The following FBXL13 variants were observed in gnomAD, a reference collection of about 807,000 sequenced individuals.
FBXL13 encodes the protein F-box and leucine rich repeat protein 13, also known as F-box and leucine-rich repeat protein 13.
In FBXL13, 67 loss-of-function variants were observed where a neutral mutation model predicts 83.6. The ratio of observed to expected loss-of-function variants is 0.80; its 90% CI spans 0.66 to 0.98. The LOEUF (loss-of-function observed/expected upper bound fraction) is 0.98, where lower values mean the gene tolerates loss of function less well. FBXL13 is among the 50% of genes least tolerant of loss of function. The pLI is 0.00. For missense variants in FBXL13, 822 were observed against 866.5 expected (o/e 0.95, Z 0.64); for synonymous variants, 272 against 299.5 (o/e 0.91, Z 0.95).
In FBXL13 at chr7:102,972,252, A is replaced by G. The variant is rs552091474; in HGVS notation, c.496-4135T>C. On this transcript the variant is annotated intron_variant, in intron 6 of 19. Transcript: ENST00000313221. ...GGGGGTAGAACAATAAGATGGAACA[A>G]AAACACTAGATAATAATAACACTCT... Among the ~76,000 whole-genome samples the G allele has an allele frequency of 5.3e-5, 8 of 152,324 alleles. No individual in the cohort carries two copies. In the South Asian group the frequency reaches 1.4e-3, roughly 28 times the overall value.
intron 1 of FBXL13, among the ~76,000 whole-genome samples, chr7:103,056,371 G>A (rs529612840): frequency 6.6e-6 from 1 of 152,158 alleles, no homozygotes; most frequent in African/African-American, 2.4e-5. Flanking sequence ...TTTCCTCTGG[G>A]TAGATACCCA....
At chr7:102,939,489 A>G in intron 8 of FBXL13, 1 of 1,614,030 alleles carries the variant, frequency 6.2e-7, no homozygotes, top group South Asian at 1.1e-5. Flanking sequence ...CTTGTCATAC[A>G]ATAAAATCAA....
chr7:102,827,085 A>G (rs1198990592), intron 18 of FBXL13: 1 of 445,762 alleles, frequency 2.2e-6, no homozygotes, highest in East Asian at 7.0e-5. Context: ...ACTTGCTTTG[A>G]CCAAAGGAAT....
At chr7:103,070,738 G>C (rs1252976349) in intron 1 of FBXL13, among the ~76,000 whole-genome samples, 1 of 152,194 alleles carries the variant, frequency 6.6e-6, no homozygotes, top group Non-Finnish European at 1.5e-5. Context: ...CATGGGAAGA[G>C]AAGGAGTAAG....
At chr7:103,028,605 A>G in exon 4 of FBXL13, 1 of 1,566,512 alleles carries the variant, frequency 6.4e-7, no homozygotes, top group Non-Finnish European at 8.6e-7. Flanking sequence ...TTTACTTTTA[A>G]GTTTTTCTTT....
At chr7:102,926,920 T>C (rs1438355039) in intron 9 of FBXL13, among the ~76,000 whole-genome samples, 7 of 152,186 alleles carry the variant, frequency 4.6e-5, no homozygotes, top group Non-Finnish European at 8.8e-5. Flanking sequence ...ACCAGATTTA[T>C]GGTAAGTTTG....
chr7:103,061,497 G>T (rs886397948), intron 1 of FBXL13, among the ~76,000 whole-genome samples: 2 of 152,228 alleles, frequency 1.3e-5, no homozygotes, highest in African/African-American at 4.8e-5. Flanking sequence ...CTCTGGAGAA[G>T]CCACAGCCTT....
At chr7:103,015,450 T>C (rs759776022) in intron 6 of FBXL13, among the ~76,000 whole-genome samples, 2 of 152,204 alleles carry the variant, frequency 1.3e-5, no homozygotes, top group African/African-American at 2.4e-5. Flanking sequence ...CCACAGTCTC[T>C]GCCCAAAAGT....
chr7:102,899,105 G>A (rs542527518), intron 11 of FBXL13, among the ~76,000 whole-genome samples: 1 of 152,190 alleles, frequency 6.6e-6, no homozygotes, highest in South Asian at 2.1e-4. Context: ...AGTAGAGACA[G>A]GGTTTCACCA....
intron 6 of FBXL13, among the ~76,000 whole-genome samples, chr7:103,021,135 A>C (rs1563230117): frequency 6.6e-6 from 1 of 152,184 alleles, no homozygotes; most frequent in Non-Finnish European, 1.5e-5. Context: ...CAAAACAGAG[A>C]TATAGACCAA....
At chr7:102,962,325 G>A (rs559010186) in intron 8 of FBXL13, among the ~76,000 whole-genome samples, 7 of 152,232 alleles carry the variant, frequency 4.6e-5, no homozygotes, top group African/African-American at 1.7e-4. Context: ...TCATTAAAAA[G>A]TCAGGAAACA....
chr7:102,937,638 T>C (rs1038047557), intron 8 of FBXL13, among the ~76,000 whole-genome samples: 2 of 152,200 alleles, frequency 1.3e-5, no homozygotes, highest in Non-Finnish European at 2.9e-5. Context: ...ATATTGCTGA[T>C]TCCCATAAAT....
At chr7:102,960,597 CA>C (rs1439562124) in intron 8 of FBXL13, among the ~76,000 whole-genome samples, 1 of 151,990 alleles carries the variant, frequency 6.6e-6, no homozygotes, top group East Asian at 1.9e-4. Flanking sequence ...AAAATACTGG[CA>C]AAACGAATCC....
chr7:102,838,296 T>C (rs1470687200), intron 17 of FBXL13, among the ~76,000 whole-genome samples: 1 of 152,122 alleles, frequency 6.6e-6, no homozygotes, highest in African/African-American at 2.4e-5. Flanking sequence ...ATAGAGTTGT[T>C]GGGGAGATTA....
chr7:103,027,488 AT>A lies in FBXL13; in HGVS notation c.287del (p.Asn96IlefsTer14), dbSNP rs1563240814. Reference sequence around the variant, plus strand: ...TCTTTTTACTCTTATGTCTTGCTGTATTCCGCCATTTTGTTAGGATAATGGT... The same window carrying A: ...TCTTTTTACTCTTATGTCTTGCTGTATCCGCCATTTTGTTAGGATAATGGT... On this transcript the variant is annotated frameshift_variant, in exon 5 of 20. Transcript: ENST00000313221. LOFTEE classifies it high-confidence loss of function. 13 of 1,613,256 alleles carry A rather than the reference AT, an allele frequency of 8.1e-6. No homozygotes were observed. The highest frequency in any genetic ancestry group is 1.3e-5 in the African/African-American group (1 of 74,896).
At chr7:103,002,704 A>G (rs142705215) in intron 6 of FBXL13, among the ~76,000 whole-genome samples, 28 of 152,328 alleles carry the variant, frequency 1.8e-4, no homozygotes, top group African/African-American at 6.3e-4. Context: ...CAGTTTTTCT[A>G]CTTCAGCAAT....
intron 1 of FBXL13, among the ~76,000 whole-genome samples, chr7:103,060,958 A>G (rs1459133989): frequency 6.6e-6 from 1 of 152,164 alleles, no homozygotes; most frequent in African/African-American, 2.4e-5. Flanking sequence ...GTTTTGGGAG[A>G]TATCTTAATT....
intron 16 of FBXL13, among the ~76,000 whole-genome samples, chr7:102,859,952 A>G (rs975126844): frequency 1.3e-5 from 2 of 152,200 alleles, no homozygotes; most frequent in Non-Finnish European, 2.9e-5. Context: ...CCTGGGGAGC[A>G]CTTTGCTCCT....
At chr7:102,936,596 G>T (rs1820363448) in intron 8 of FBXL13, among the ~76,000 whole-genome samples, 1 of 152,274 alleles carries the variant, frequency 6.6e-6, no homozygotes, top group African/African-American at 2.4e-5. Flanking sequence ...TGCTTAGATT[G>T]AAAACTGGAA....
Sources: allele counts gnomAD v4.1 joint callset (sites outside exome capture counted in the v4.1 genomes callset), GRCh38; gene constraint gnomAD v4.1.1; transcripts MANE v1.5; gene names NCBI Gene and HGNC (gene_info 2026-07-23, HGNC 2026-07-21).